The following COL25A1 variants were observed in gnomAD, a reference collection of about 807,000 sequenced individuals.
The protein encoded by COL25A1 is collagen type XXV alpha 1 chain, also known as collagen alpha-1(XXV) chain.
A neutral mutation model predicts 128.4 loss-of-function variants in COL25A1; 103 were observed. That is an observed-to-expected ratio of 0.80 (90% CI 0.68 to 0.94). The LOEUF is 0.94. COL25A1 is among the 40% of genes least tolerant of loss of function. COL25A1 has a pLI of 0.00. For synonymous variants in COL25A1, 279 were observed against 277.2 expected (o/e 1.01, Z -0.06); for missense variants, 745 against 840.0 (o/e 0.89, Z 1.40).
At chr4:109,058,835 G>A (rs1761679573) in intron 3 of COL25A1, among the ~76,000 whole-genome samples, 1 of 152,156 alleles carries the variant, frequency 6.6e-6, no homozygotes, top group Non-Finnish European at 1.5e-5. Flanking sequence ...TTTCCACCCA[G>A]TAGTAAAAAT....
At chr4:109,241,161 T>C (rs568889774) in intron 3 of COL25A1, among the ~76,000 whole-genome samples, 2 of 152,080 alleles carry the variant, frequency 1.3e-5, no homozygotes, top group South Asian at 4.2e-4. Context: ...GGTTTTTTGT[T>C]TGGTTTAGTT....
intron 31 of COL25A1, chr4:108,834,353 AC>A: frequency 6.4e-7 from 1 of 1,550,504 alleles, no homozygotes; most frequent in Non-Finnish European, 8.7e-7. Context: ...GGACTGACTC[AC>A]CCGGGATCCT....
intron 3 of COL25A1, among the ~76,000 whole-genome samples, chr4:109,274,984 T>C (rs1722676181): frequency 6.6e-6 from 1 of 152,236 alleles, no homozygotes; most frequent in Non-Finnish European, 1.5e-5. Context: ...CCTTTCATTG[T>C]ATTTAAAATA....
intron 19 of COL25A1, among the ~76,000 whole-genome samples, chr4:108,880,155 C>G (rs1739954518): frequency 6.6e-6 from 1 of 152,190 alleles, no homozygotes; most frequent in Non-Finnish European, 1.5e-5. Flanking sequence ...GTAACATTGA[C>G]TGGAGCCTGG....
intron 3 of COL25A1, among the ~76,000 whole-genome samples, chr4:109,118,609 A>G (rs1286960632): frequency 6.6e-6 from 1 of 152,032 alleles, no homozygotes; most frequent in Non-Finnish European, 1.5e-5. Flanking sequence ...CAGTCTTCAG[A>G]GAAAGAAAAG....
chr4:109,185,700 G>T (rs761239914), intron 3 of COL25A1, among the ~76,000 whole-genome samples: 6 of 152,108 alleles, frequency 3.9e-5, no homozygotes, highest in Non-Finnish European at 8.8e-5. Context: ...AGGTCATAAG[G>T]GTGTGGCCCT....
intron 18 of COL25A1, 110 bp from the exon 19 acceptor site, chr4:108,884,332 A>G: frequency 2.0e-6 from 2 of 1,005,718 alleles, no homozygotes; most frequent in Non-Finnish European, 3.0e-6. Context: ...AAGATAAATA[A>G]AAAAACCGTC....
intron 3 of COL25A1, among the ~76,000 whole-genome samples, chr4:109,204,332 G>A (rs542844576): frequency 3.9e-5 from 6 of 152,112 alleles, no homozygotes; most frequent in South Asian, 4.2e-4. Flanking sequence ...TATCAGTTTC[G>A]CATTATAATT....
chr4:109,254,810 G>T (rs570132786), intron 3 of COL25A1, among the ~76,000 whole-genome samples: 436 of 152,028 alleles, frequency 2.9e-3, no homozygotes, highest in Non-Finnish European at 2.2e-3. Context: ...CTACATTTTT[G>T]ACAGGGTTTT....
chr4:108,907,283 T>C (rs1213304728), intron 13 of COL25A1, among the ~76,000 whole-genome samples: 2 of 152,144 alleles, frequency 1.3e-5, no homozygotes, highest in African/African-American at 2.4e-5. Flanking sequence ...AGTGTTTACC[T>C]AGAGGACTAA....
chr4:108,819,485 G>C (rs1731565680), intron 35 of COL25A1, among the ~76,000 whole-genome samples, 156 bp from the exon 36 acceptor site: 1 of 152,198 alleles, frequency 6.6e-6, no homozygotes, highest in African/African-American at 2.4e-5. Context: ...AAAATGGAGG[G>C]AGACATATTC....
intron 6 of COL25A1, among the ~76,000 whole-genome samples, chr4:109,004,142 A>G (rs568092018): frequency 6.6e-6 from 1 of 152,224 alleles, no homozygotes. Context: ...GGTAAATGCA[A>G]AGACTCACCT....
chr4:108,906,541 T>C (rs2125875086), intron 13 of COL25A1, among the ~76,000 whole-genome samples: 1 of 152,314 alleles, frequency 6.6e-6, no homozygotes, highest in Non-Finnish European at 1.5e-5. Context: ...ATTAGGACTT[T>C]CAGGTTTAGC....
chr4:109,161,951 T>G (rs1224471801), intron 3 of COL25A1, among the ~76,000 whole-genome samples: 3 of 152,184 alleles, frequency 2.0e-5, no homozygotes. Context: ...AGTGAATCAT[T>G]CGGCAGCGCA....
intron 3 of COL25A1, among the ~76,000 whole-genome samples, chr4:109,145,858 TA>T (rs529216096): frequency 2.4e-4 from 37 of 151,464 alleles, no homozygotes; most frequent in African/African-American, 7.7e-4. Flanking sequence ...ATAAAATAAA[TA>T]AAAAAAAGAG....
intron 11 of COL25A1, among the ~76,000 whole-genome samples, chr4:108,923,593 A>C (rs1285848773): frequency 6.6e-6 from 1 of 152,034 alleles, no homozygotes; most frequent in Non-Finnish European, 1.5e-5. Flanking sequence ...CGATCCTCTC[A>C]CCTTGGCATC....
chr4:109,140,425 G>A (rs938682985), intron 3 of COL25A1, among the ~76,000 whole-genome samples: 6 of 152,088 alleles, frequency 3.9e-5, no homozygotes, highest in African/African-American at 9.7e-5. Context: ...CTCTTTTTTG[G>A]TTCCATATGA....
intron 3 of COL25A1, among the ~76,000 whole-genome samples, chr4:109,297,929 T>C (rs1444152216): frequency 1.4e-5 from 2 of 145,978 alleles, no homozygotes; most frequent in Non-Finnish European, 3.0e-5. Context: ...AGTTCATTAG[T>C]TTGACCAATG....
chr4:108,820,747 G>T (rs550285610), intron 35 of COL25A1, among the ~76,000 whole-genome samples: 4 of 151,992 alleles, frequency 2.6e-5, no homozygotes, highest in Middle Eastern at 3.4e-3. Flanking sequence ...GTTCAGGAGA[G>T]GAAAAGCAGC....
Sources: gnomAD v4.1 joint callset for allele counts (sites outside exome capture counted in the v4.1 genomes callset) on GRCh38, gnomAD v4.1.1 for gene constraint, MANE v1.5 for transcripts, NCBI Gene and HGNC (gene_info 2026-07-23, HGNC 2026-07-21) for gene names.